Variants in BTBD9 observed in about 807,000 individuals in gnomAD.
The protein encoded by BTBD9 is BTB domain containing 9.
In BTBD9, 49 loss-of-function variants were observed where a neutral mutation model predicts 64.3. The observed-to-expected ratio is 0.76, with a 90% CI of 0.61 to 0.97. The LOEUF (loss-of-function observed/expected upper bound fraction) is 0.97, where lower values mean the gene tolerates loss of function less well. Ranked by LOEUF, BTBD9 falls within the 50% of genes least tolerant of loss-of-function variation. The pLI, the probability that BTBD9 is intolerant of heterozygous loss-of-function variation, is 0.00. For missense variants in BTBD9, 598 were observed against 762.1 expected, an observed-to-expected ratio of 0.78 and a Z score of 2.53; for synonymous variants, 260 against 274.7, an observed-to-expected ratio of 0.95 and a Z score of 0.53.
intron 7 of BTBD9, among the ~76,000 whole-genome samples, chr6:38,296,580 T>C (rs532462719): frequency 2.8e-4 from 42 of 152,302 alleles, no homozygotes; most frequent in African/African-American, 9.4e-4. Context: ...AAAGCTAATA[T>C]AGTATTTTAC....
At chr6:38,477,321 A>T (rs557295773) in intron 6 of BTBD9, among the ~76,000 whole-genome samples, 2 of 152,386 alleles carry the variant, frequency 1.3e-5, no homozygotes, top group South Asian at 4.1e-4. Context: ...CACTTCAACT[A>T]AGTGTTACCT....
chr6:38,287,959 C>T (rs1191923091), intron 8 of BTBD9, among the ~76,000 whole-genome samples: 3 of 152,128 alleles, frequency 2.0e-5, no homozygotes, highest in Admixed American at 6.5e-5. Flanking sequence ...TATAACCTAT[C>T]TTGACATTAT....
At position 38,544,998 on chromosome 6, in the gene BTBD9, A is replaced by C. The variant is rs542303193; in HGVS notation, c.1154+32602T>G. 3.9e-4 allele frequency among the ~76,000 whole-genome samples: 57 copies of C among 146,474 alleles called. 1 individual carries two copies. Among genetic ancestry groups the C allele is most frequent in the African/African-American group, 1.3e-3 (53 of 40,412 alleles). ...AGATGGTTGTAGGAGATGAAGCCTG[A>C]GAGGTAAGAGGAAGCCAGATCATGT... On this transcript the variant is annotated intron_variant, in intron 6 of 10. Transcript: ENST00000481247.
intron 6 of BTBD9, among the ~76,000 whole-genome samples, chr6:38,356,154 T>C (rs1764721854): frequency 6.6e-6 from 1 of 152,158 alleles, no homozygotes; most frequent in Non-Finnish European, 1.5e-5. Context: ...ACATCCCTTA[T>C]ATTCTGAAAT....
At position 38,233,140 on chromosome 6, in the gene BTBD9, A is replaced by T. The variant is rs1368952171; in HGVS notation, c.1562+23269T>A. On this transcript the variant is annotated intron_variant, in intron 9 of 10. Coordinates refer to ENST00000481247, the MANE Select transcript of BTBD9 (RefSeq NM_001099272.2). Reference sequence around the variant, plus strand: ...TCATTTTCTGCCCTTCCCTAGTGATAACCTTTATCTAATTCACTATAAGAT... The same window carrying T: ...TCATTTTCTGCCCTTCCCTAGTGATTACCTTTATCTAATTCACTATAAGAT... Among the ~76,000 whole-genome samples, 3 of 152,286 alleles carry T rather than the reference A, an allele frequency of 2.0e-5. No homozygotes were observed. The South Asian group carries it at 6.2e-4, about 32-fold the overall frequency.
intron 4 of BTBD9, among the ~76,000 whole-genome samples, chr6:38,591,318 T>G (rs1167433555): frequency 1.2e-4 from 19 of 152,220 alleles, no homozygotes; most frequent in Non-Finnish European, 2.9e-5. Flanking sequence ...TCTTCCCATC[T>G]GAAATTCACC....
rs143220799 is a variant in BTBD9 at position 38,534,407 on chromosome 6, G to A, written c.1154+43193C>T. Among the ~76,000 whole-genome samples the A allele has an allele frequency of 3.3e-5, 5 of 150,028 alleles. No homozygotes were observed. In the East Asian group the frequency reaches 5.8e-4, roughly 18 times the overall value. ...CCCAGCAAAGAAAAGCCTGGGACCC[G>A]ATGGCTTCACTGCTGAACTCTACCA... On this transcript the variant is annotated intron_variant, in intron 6 of 10. Coordinates refer to ENST00000481247, the MANE Select transcript of BTBD9 (RefSeq NM_001099272.2).
intron 4 of BTBD9, chr6:38,588,588 A>C: frequency 2.3e-6 from 1 of 438,814 alleles, no homozygotes; most frequent in South Asian, 5.1e-5. Context: ...AAAAGACTCC[A>C]GTACTGTTTT....
At chr6:38,577,766 A>C (rs973937095) in intron 5 of BTBD9, 47 bp from the exon 6 acceptor site, 1 of 1,546,646 alleles carries the variant, frequency 6.5e-7, no homozygotes, top group Non-Finnish European at 8.8e-7. Context: ...ACATTAAAAA[A>C]CAATACAAAG....
chr6:38,607,055 G>C (rs1394979416), intron 1 of BTBD9, among the ~76,000 whole-genome samples: 1 of 152,078 alleles, frequency 6.6e-6, no homozygotes, highest in Non-Finnish European at 1.5e-5. Flanking sequence ...AATATGCAAG[G>C]GTGATAAGAA....
intron 9 of BTBD9, among the ~76,000 whole-genome samples, chr6:38,239,114 A>G (rs1763900300): frequency 6.6e-6 from 1 of 152,146 alleles, no homozygotes; most frequent in Non-Finnish European, 1.5e-5. Context: ...CAAGTCATCT[A>G]GTGCAAGTTC....
intron 7 of BTBD9, among the ~76,000 whole-genome samples, chr6:38,343,014 G>A (rs1001857654): frequency 6.6e-6 from 1 of 152,166 alleles, no homozygotes; most frequent in Non-Finnish European, 1.5e-5. Flanking sequence ...GCAATCTTCT[G>A]GCAAGCGCAT....
At chr6:38,347,613 A>G (rs73422871) in intron 6 of BTBD9, among the ~76,000 whole-genome samples, 3,543 of 152,274 alleles carry the variant, frequency 0.023, 131 homozygotes, top group African/African-American at 0.081. Flanking sequence ...AATATCCTGG[A>G]CCTTCCCCAT....
intron 8 of BTBD9, among the ~76,000 whole-genome samples, chr6:38,273,814 A>G (rs1483940477): frequency 6.6e-6 from 1 of 152,246 alleles, no homozygotes; most frequent in Non-Finnish European, 1.5e-5. Context: ...TTTGTTGTAA[A>G]GAACAGAATA....
intron 7 of BTBD9, among the ~76,000 whole-genome samples, chr6:38,313,482 G>C (rs1762917102): frequency 6.6e-6 from 1 of 152,136 alleles, no homozygotes; most frequent in South Asian, 2.1e-4. Context: ...AATGATTTCA[G>C]TTTTTCCCCA....
chr6:38,266,646 GAAAGAAAGAA>G (rs1477804943), intron 8 of BTBD9, among the ~76,000 whole-genome samples: 1 of 119,682 alleles, frequency 8.4e-6, no homozygotes, highest in Non-Finnish European at 1.7e-5. Context: ...AAGAAAGAAA[GAAAGAAAGAA>G]AGAAAGAAAG....
At chr6:38,488,490 G>A (rs1364946350) in intron 6 of BTBD9, among the ~76,000 whole-genome samples, 4 of 152,152 alleles carry the variant, frequency 2.6e-5, no homozygotes, top group Non-Finnish European at 5.9e-5. Context: ...ACCCAGGGAC[G>A]AGGCAGTGAC....
rs930967082 is a variant in BTBD9, at chr6:38,328,966, ATATGTGTG to A, written c.1264+16010_1264+16017del. Reference sequence around the variant, plus strand: ...CGTCTCAAAAAAAAAAAGAAAGAAAATATGTGTGTGTGTGTGTGTGTGTGTGTGTGTGT... The same window carrying A: ...CGTCTCAAAAAAAAAAAGAAAGAAAATGTGTGTGTGTGTGTGTGTGTGTGT... On this transcript the variant is annotated intron_variant, in intron 7 of 10. Coordinates refer to ENST00000481247, the MANE Select transcript of BTBD9 (RefSeq NM_001099272.2). Among the ~76,000 whole-genome samples, 68 of 93,156 alleles carry A rather than the reference ATATGTGTG, an allele frequency of 7.3e-4. 1 individual carries two copies. The highest frequency in any genetic ancestry group is 4.7e-4 in the South Asian group (1 of 2,138). 61.1% of individuals were successfully genotyped at this position (93,156 alleles called of 152,430 possible).
At position 38,535,650 on chromosome 6, in the gene BTBD9, A is replaced by G. The variant is rs906386994; in HGVS notation, c.1154+41950T>C. On this transcript the variant is annotated intron_variant, in intron 6 of 10. Transcript: ENST00000481247. ...ACCAAAACAGCATGTTACTGGCATTAAAAAACAGATACATAGACCAACGGA... is the reference window on the plus strand; with the variant it reads ...ACCAAAACAGCATGTTACTGGCATTGAAAAACAGATACATAGACCAACGGA... Among the ~76,000 whole-genome samples the G allele has an allele frequency of 2.2e-4, 33 of 152,122 alleles. 1 individual carries two copies. The highest frequency in any genetic ancestry group is 1.5e-5 in the Non-Finnish European group (1 of 67,980).
Sources: gnomAD v4.1 joint callset for allele counts (sites outside exome capture counted in the v4.1 genomes callset) on GRCh38, gnomAD v4.1.1 for gene constraint, MANE v1.5 for transcripts, NCBI Gene and HGNC (gene_info 2026-07-23, HGNC 2026-07-21) for gene names.